Variants in PCNX2 observed in about 807,000 individuals in gnomAD.
PCNX2 encodes the protein pecanex-like protein 2.
A neutral mutation model predicts 223.8 loss-of-function variants in PCNX2; 168 were observed. The observed-to-expected ratio is 0.75, with a 90% CI of 0.66 to 0.85. The LOEUF is 0.85. Ranked by LOEUF, PCNX2 falls within the 40% of genes least tolerant of loss-of-function variation. The pLI is 0.00. For synonymous variants in PCNX2, 1,006 were observed against 1,052.6 expected, an observed-to-expected ratio of 0.96 and a Z score of 0.86; for missense variants, 2,507 against 2,675.5, an observed-to-expected ratio of 0.94 and a Z score of 1.39.
intron 26 of PCNX2, among the ~76,000 whole-genome samples, chr1:233,017,477 C>T (rs907144975): frequency 1.3e-5 from 2 of 151,958 alleles, no homozygotes; most frequent in Admixed American, 1.3e-4. Context: ...GCCACCACGC[C>T]CAGCTAATTT....
chr1:233,021,194 G>A (rs1272310909), intron 26 of PCNX2, among the ~76,000 whole-genome samples: 1 of 152,114 alleles, frequency 6.6e-6, no homozygotes, highest in South Asian at 2.1e-4. Flanking sequence ...TGTATTTGGA[G>A]GCAACCTCGC....
rs762218960 is a variant in PCNX2 at position 233,227,209 on chromosome 1, C to A, written c.2504+17G>T. 2.0e-5 allele frequency: 32 copies of A among 1,607,376 alleles called. No homozygotes were observed. Among genetic ancestry groups the A allele is most frequent in the Non-Finnish European group, 2.5e-5 (29 of 1,176,618 alleles). On this transcript the variant is annotated intron_variant, in intron 10 of 33. Transcript: ENST00000258229. ...GGTGTGCCTTCCGACAGTGTGTGTGCATGCTCAGTGGCTTACCGATCAAGT... is the reference window on the plus strand; with the variant it reads ...GGTGTGCCTTCCGACAGTGTGTGTGAATGCTCAGTGGCTTACCGATCAAGT...
At chr1:233,087,038 CACAGAATCAGGGA>C in intron 23 of PCNX2, 1 of 985,306 alleles carries the variant, frequency 1.0e-6, no homozygotes, top group Non-Finnish European at 1.2e-6. Flanking sequence ...CCTAGTGAGG[CACAGAATCAGGGA>C]ACAGGAGGTC....
chr1:233,263,228 G>A (rs1660153911), intron 1 of PCNX2, 65 bp from the exon 2 acceptor site: 2 of 1,367,752 alleles, frequency 1.5e-6, no homozygotes, highest in South Asian at 1.4e-5. Context: ...TTTTAAATCT[G>A]GAAGCATTTT....
chr1:233,092,277 C>T (rs901677129), intron 22 of PCNX2, among the ~76,000 whole-genome samples: 1 of 152,132 alleles, frequency 6.6e-6, no homozygotes, highest in Non-Finnish European at 1.5e-5. Flanking sequence ...CAGGGCTGGG[C>T]AGATGTGCTA....
Position 232,991,913 on chromosome 1 carries a change from C to A in PCNX2, c.5792-5373G>T, listed in dbSNP as rs1212476252. On this transcript the variant is annotated intron_variant, in intron 32 of 33. Coordinates refer to ENST00000258229, the MANE Select transcript of PCNX2 (RefSeq NM_014801.4). The surrounding 1 kb of genome is among the most constrained non-coding windows in gnomAD (Gnocchi z 4.3). ...TGGTACTTTGTCATGGCAGCCCAAG[C>A]AGACTCACACATTCTGAGCTGAAGC... 6.6e-6 allele frequency among the ~76,000 whole-genome samples: 1 copy of A among 152,190 alleles called. No homozygotes were observed. Among genetic ancestry groups the A allele is most frequent in the African/African-American group, 2.4e-5 (1 of 41,456 alleles).
Position 233,139,889 on chromosome 1 carries a change from A to G in PCNX2, c.3518-34T>C. On this transcript the variant is annotated intron_variant, in intron 19 of 33. Transcript: ENST00000258229. This position sits in a 1 kb window ranked among gnomAD's most constrained non-coding sequence, Gnocchi z 4.4. The stretch of plus-strand genomic sequence containing the variant: ...AATATAAAAACCACTTAGAACAACC[A>G]CCGATCAAAGTATTTTTCTTTAAGT... The G allele has an allele frequency of 6.3e-7, 1 of 1,596,502 alleles. No homozygotes were observed. The highest frequency in any genetic ancestry group is 8.5e-7 in the Non-Finnish European group (1 of 1,172,056).
intron 10 of PCNX2, among the ~76,000 whole-genome samples, chr1:233,222,386 T>C (rs1424586078): frequency 2.0e-5 from 3 of 152,102 alleles, no homozygotes; most frequent in Non-Finnish European, 2.9e-5. Context: ...AAAGACATAT[T>C]GTGTTGGGTT....
chr1:233,096,666 C>T (rs1674188219), intron 21 of PCNX2, among the ~76,000 whole-genome samples: 5 of 152,194 alleles, frequency 3.3e-5, no homozygotes, highest in African/African-American at 9.6e-5. Context: ...CTTCAAATAG[C>T]ATGCCATGTT....
intron 32 of PCNX2, among the ~76,000 whole-genome samples, chr1:232,995,276 GACA>G (rs1669838885): frequency 6.6e-6 from 1 of 152,148 alleles, no homozygotes; most frequent in South Asian, 2.1e-4. Flanking sequence ...CCCTAAGCAG[GACA>G]ACAACTGGTC....
chr1:233,288,022 T>C (rs145294071), intron 1 of PCNX2, among the ~76,000 whole-genome samples: 3 of 152,094 alleles, frequency 2.0e-5, no homozygotes, highest in African/African-American at 7.2e-5. Flanking sequence ...AGGAAGAAAA[T>C]GCACTAGACA....
intron 9 of PCNX2, among the ~76,000 whole-genome samples, chr1:233,228,503 C>A (rs1657876213): frequency 6.6e-6 from 1 of 152,126 alleles, no homozygotes; most frequent in Non-Finnish European, 1.5e-5. Flanking sequence ...ATTTACCCTC[C>A]CCCCAGCCTC....
chr1:232,992,446 C>A (rs1669735258), intron 32 of PCNX2, among the ~76,000 whole-genome samples: 1 of 152,202 alleles, frequency 6.6e-6, no homozygotes, highest in African/African-American at 2.4e-5. Context: ...GACATGCCAG[C>A]TGCACAGATG....
chr1:233,135,214 G>A, intron 20 of PCNX2, 24 bp from the exon 21 acceptor site: 2 of 1,604,702 alleles, frequency 1.2e-6, no homozygotes, highest in Non-Finnish European at 1.7e-6. Flanking sequence ...AAGAAAAGAT[G>A]CAATCAATGA....
In PCNX2 at chr1:233,295,528, C is replaced by T; in HGVS notation, c.-50G>A. On this transcript the variant is annotated 5_prime_UTR_variant, in exon 1 of 34. Transcript: ENST00000258229. The surrounding 1 kb of genome is among the most constrained non-coding windows in gnomAD (Gnocchi z 4.1). ...AGCGCCCCGCTGCACCCTGCGCGCC[C>T]CGGCCGGATCTCCAGGCTCCCTCAG... The T allele has an allele frequency of 6.8e-7, 1 of 1,466,230 alleles. No individual in the cohort carries two copies. Among genetic ancestry groups the T allele is most frequent in the Non-Finnish European group, 9.0e-7 (1 of 1,108,792 alleles). 90.8% of individuals were successfully genotyped at this position (1,466,230 alleles called of 1,614,324 possible).
chr1:233,249,220 C>G (rs1659306428), intron 8 of PCNX2, among the ~76,000 whole-genome samples: 2 of 151,950 alleles, frequency 1.3e-5, no homozygotes, highest in Admixed American at 6.6e-5. Context: ...AAGTGTTTAA[C>G]CTAGGGGAAA....
intron 22 of PCNX2, among the ~76,000 whole-genome samples, chr1:233,093,956 T>A (rs1198716332): frequency 6.6e-6 from 1 of 152,208 alleles, no homozygotes; most frequent in Admixed American, 6.5e-5. Context: ...GCTGTCTTTA[T>A]TCTTATAGGA....
upstream of PCNX2, among the ~76,000 whole-genome samples, chr1:233,300,111 G>T (rs1662235475): frequency 6.6e-6 from 1 of 152,200 alleles, no homozygotes; most frequent in South Asian, 2.1e-4. Flanking sequence ...CTACACACAT[G>T]CACATAATCT....
chr1:233,096,145 A>G (rs979277165), intron 21 of PCNX2, among the ~76,000 whole-genome samples: 1 of 152,232 alleles, frequency 6.6e-6, no homozygotes, highest in African/African-American at 2.4e-5. Flanking sequence ...TCAGAAGAAC[A>G]ATCACACCTT....
Sources: gnomAD v4.1 joint callset for allele counts (sites outside exome capture counted in the v4.1 genomes callset) on GRCh38, gnomAD v4.1.1 for gene constraint, Gnocchi (gnomAD v3.1) non-coding constraint, MANE v1.5 for transcripts, NCBI Gene and HGNC (gene_info 2026-07-23, HGNC 2026-07-21) for gene names.